GLB1L3: variants seen among roughly 807,000 people sequenced by gnomAD.
GLB1L3 encodes galactosidase beta 1 like 3.
A neutral mutation model predicts 89.5 loss-of-function variants in GLB1L3; 89 were observed. The observed-to-expected ratio is 0.99, with a 90% confidence interval of 0.84 to 1.19. The LOEUF (loss-of-function observed/expected upper bound fraction) is 1.19, where lower values mean the gene tolerates loss of function less well. Ranked by LOEUF, GLB1L3 falls within the 50% of genes most tolerant of loss-of-function variation. The pLI, the probability that GLB1L3 is intolerant of heterozygous loss-of-function variation, is 0.00. For missense variants in GLB1L3, 812 were observed against 813.3 expected, an observed-to-expected ratio of 1.00 and a Z score of 0.02; for synonymous variants, 314 against 312.3, an observed-to-expected ratio of 1.01 and a Z score of -0.06.
chr11:134,288,599 A>C (rs573534231), intron 6 of GLB1L3, among the ~76,000 whole-genome samples, 199 bp from the exon 7 acceptor site: 1 of 152,260 alleles, frequency 6.6e-6, no homozygotes, highest in South Asian at 2.1e-4. Flanking sequence ...ACTGTAACGC[A>C]CTAGGGAAGG....
At chr11:134,324,547 A>G (rs1440953251), downstream of GLB1L3, among the ~76,000 whole-genome samples, 25 of 152,326 alleles carry the variant, frequency 1.6e-4, no homozygotes. Flanking sequence ...TAGTGAGAAC[A>G]TAATGTGCCT....
intron 12 of GLB1L3, 90 bp downstream of exon 12, chr11:134,310,741 G>C: frequency 3.2e-6 from 3 of 939,610 alleles, no homozygotes; most frequent in Non-Finnish European, 3.4e-6. Flanking sequence ...GGTCTCCCTT[G>C]TGGGCAGCAG....
At position 134,281,542 on chromosome 11, in the gene GLB1L3, G is replaced by T. The variant is rs28472542; in HGVS notation, c.431+97G>T. Reference sequence around the variant, plus strand: ...CAACCAAAGAGAACCAGGGAGGGACGTGGGTCTGGAGTCCTGTTCTAGGAC... The same window carrying T: ...CAACCAAAGAGAACCAGGGAGGGACTTGGGTCTGGAGTCCTGTTCTAGGAC... On this transcript the variant is annotated intron_variant, in intron 4 of 19. Coordinates refer to ENST00000431683, the MANE Select transcript of GLB1L3 (RefSeq NM_001080407.3). 9.7e-6 allele frequency: 12 copies of T among 1,236,992 alleles called. No individual in the cohort carries two copies. The South Asian group carries it at 1.5e-4, about 15-fold the overall frequency. 76.6% of individuals were successfully genotyped at this position (1,236,992 alleles called of 1,614,324 possible).
chr11:134,277,238 T>C (rs2136098917), intron 1 of GLB1L3, 88 bp from the exon 2 acceptor site: 4 of 1,581,522 alleles, frequency 2.5e-6, no homozygotes, highest in Non-Finnish European at 3.5e-6. Flanking sequence ...CTCTGGCCTC[T>C]AAAGCGCCCC....
intron 9 of GLB1L3, among the ~76,000 whole-genome samples, chr11:134,305,605 A>G (rs947939573): frequency 6.6e-6 from 1 of 152,196 alleles, no homozygotes; most frequent in Non-Finnish European, 1.5e-5. Flanking sequence ...TTGAATACAA[A>G]TGGAAAATTA....
chr11:134,279,448 C>T (rs755741008), intron 3 of GLB1L3, among the ~76,000 whole-genome samples: 2 of 148,372 alleles, frequency 1.3e-5, no homozygotes, highest in Non-Finnish European at 3.0e-5. Context: ...CTCACTGCAA[C>T]CTCCCCCTCC....
At chr11:134,282,235 G>A in intron 5 of GLB1L3, 115 bp downstream of exon 5, 1 of 1,282,808 alleles carries the variant, frequency 7.8e-7, no homozygotes, top group Non-Finnish European at 1.1e-6. Context: ...CCGATGGGAG[G>A]TGTGCTGCCC....
chr11:134,308,457 A>ATGT lies in GLB1L3; in HGVS notation c.962-1169_962-1168insTGT, dbSNP rs1158251636. Reference sequence around the variant, plus strand: ...CACCACCACCACCATCACCACCACCACCACCACCACCACCAAATACCACCA... The same window carrying ATGT: ...CACCACCACCACCATCACCACCACCATGTCCACCACCACCACCAAATACCACCA... On this transcript the variant is annotated intron_variant, in intron 10 of 19. Transcript: ENST00000431683. 7.4e-3 allele frequency among the ~76,000 whole-genome samples: 258 copies of ATGT among 34,864 alleles called. 22 individuals carry two copies. Among genetic ancestry groups the ATGT allele is most frequent in the African/African-American group, 0.042 (228 of 5,396 alleles). The allele number at this position is 34,864 out of a possible 152,430, so 22.9% of individuals were successfully genotyped here.
intron 2 of GLB1L3, 107 bp from the exon 3 acceptor site, chr11:134,277,593 T>C (rs888261651): frequency 9.3e-6 from 14 of 1,510,450 alleles, no homozygotes; most frequent in Non-Finnish European, 1.0e-5. Flanking sequence ...ACAGAACACG[T>C]CCTACTAACA....
intron 10 of GLB1L3, among the ~76,000 whole-genome samples, chr11:134,308,312 TACCACCACC>T (rs1161364321): frequency 1.0e-4 from 2 of 19,642 alleles, no homozygotes; most frequent in African/African-American, 2.6e-4. Context: ...CCACCACCAC[TACCACCACC>T]ATCACCATCA....
intron 11 of GLB1L3, 38 bp downstream of exon 11, chr11:134,309,801 C>T (rs763951637): frequency 1.1e-5 from 17 of 1,605,714 alleles, no homozygotes; most frequent in East Asian, 6.7e-5. Flanking sequence ...CCAGCATGGG[C>T]GGTGCTGGGG....
At chr11:134,308,652 TCATCACCACCACCACCACCACCAA>T (rs1942554327) in intron 10 of GLB1L3, among the ~76,000 whole-genome samples, 1 of 105,308 alleles carries the variant, frequency 9.5e-6, no homozygotes, top group African/African-American at 3.5e-5. Flanking sequence ...ATCACCACCA[TCATCACCACCACCACCACCACCAA>T]CACCACCACC....
rs568106194 is a variant in GLB1L3, at chr11:134,288,435, C to T, written c.637-363C>T. ...CGTTCCTGATCAGGCAGCGGAAGGC[C>T]GTGGGACCCACACGCAAGTGGTGGC... On this transcript the variant is annotated intron_variant, in intron 6 of 19. Transcript: ENST00000431683. Among the ~76,000 whole-genome samples the T allele has an allele frequency of 3.9e-5, 6 of 152,266 alleles. No individual in the cohort carries two copies. The South Asian group carries it at 1.0e-3, about 26-fold the overall frequency.
At chr11:134,312,574 C>A in intron 14 of GLB1L3, 85 bp downstream of exon 14, 2 of 1,507,514 alleles carry the variant, frequency 1.3e-6, no homozygotes, top group Non-Finnish European at 1.8e-6. Flanking sequence ...GAAGGATGCA[C>A]GTTGCTGTTT....
rs1186746011 is a variant in GLB1L3, at chr11:134,308,655, TCACCAC to T, written c.962-956_962-951del. Among the ~76,000 whole-genome samples, 5 of 105,604 alleles carry T rather than the reference TCACCAC, an allele frequency of 4.7e-5. No homozygotes were observed. The East Asian group carries it at 9.6e-4, about 20-fold the overall frequency. 69.3% of individuals were successfully genotyped at this position (105,604 alleles called of 152,430 possible). A position where few individuals can be genotyped will look rare whatever the true frequency, so the allele number is the denominator to read the frequency against. ...ACCATCAACACCATCACCACCATCA[TCACCAC>T]CACCACCACCACCAACACCACCACC... On this transcript the variant is annotated intron_variant, in intron 10 of 19. Coordinates refer to ENST00000431683, the MANE Select transcript of GLB1L3 (RefSeq NM_001080407.3).
intron 10 of GLB1L3, among the ~76,000 whole-genome samples, chr11:134,308,574 T>TCAC (rs1183650795): frequency 1.4e-4 from 8 of 56,000 alleles, no homozygotes; most frequent in Non-Finnish European, 2.6e-4. Context: ...ACCACCACCA[T>TCAC]CACCATCACC....
intron 10 of GLB1L3, among the ~76,000 whole-genome samples, chr11:134,308,987 A>ACT (rs1296875349): frequency 6.6e-6 from 1 of 152,164 alleles, no homozygotes; most frequent in Admixed American, 6.5e-5. Flanking sequence ...ACAAAATGGA[A>ACT]GTTTTGTGGC....
intron 9 of GLB1L3, among the ~76,000 whole-genome samples, chr11:134,305,966 G>C (rs1465115625): frequency 6.6e-6 from 1 of 152,152 alleles, no homozygotes; most frequent in Non-Finnish European, 1.5e-5. Flanking sequence ...CGTCTTATAG[G>C]AGTATTGTAG....
rs758188872 is a variant in GLB1L3, at chr11:134,312,418, G to A, written c.1357G>A (p.Gly453Arg). ...PINNGSGQSY[G>R]LVLYEKSICS... ...AAACAATGGGAGCGGCCAGTCCTAC[G>A]GGCTTGTCCTGTATGAGAAGTCCAT... is the stretch of plus-strand genomic sequence containing the variant. The change falls in exon 14 of 20, where the codon GGG becomes AGG. Residue 453 changes from glycine (G) to arginine (R), a missense_variant. Coordinates refer to ENST00000431683, the MANE Select transcript of GLB1L3 (RefSeq NM_001080407.3). 7.4e-6 allele frequency: 12 copies of A among 1,613,764 alleles called. No individual in the cohort carries two copies. Among genetic ancestry groups the A allele is most frequent in the South Asian group, 1.1e-5 (1 of 91,066 alleles).
Sources: allele counts gnomAD v4.1 joint callset (sites outside exome capture counted in the v4.1 genomes callset), GRCh38; gene constraint gnomAD v4.1.1; transcripts MANE v1.5; gene names NCBI Gene and HGNC (gene_info 2026-07-23, HGNC 2026-07-21).